Variants in ZNF202 observed in about 807,000 individuals in gnomAD.
The protein encoded by ZNF202 is zinc finger protein with KRAB and SCAN domains 10.
ZNF202 carries 22 observed loss-of-function variants against 54.5 expected under a neutral mutation model. The ratio of observed to expected loss-of-function variants is 0.40; its 90% CI spans 0.29 to 0.58. The LOEUF (loss-of-function observed/expected upper bound fraction) is 0.58. Ranked by LOEUF, ZNF202 falls within the 20% of genes least tolerant of loss-of-function variation. ZNF202 has a pLI of 0.39. For synonymous variants in ZNF202, 294 were observed against 301.4 expected, an observed-to-expected ratio of 0.98 and a Z score of 0.26; for missense variants, 644 against 805.5, an observed-to-expected ratio of 0.80 and a Z score of 2.43.
At position 123,726,813 on chromosome 11, in the gene ZNF202, CA is replaced by C; in HGVS notation, c.1130del (p.Val377GlyfsTer5). On this transcript the variant is annotated frameshift_variant, in exon 9 of 9. Coordinates refer to ENST00000530393, the MANE Select transcript of ZNF202 (RefSeq NM_003455.4). LOFTEE classifies it high-confidence loss of function. This position sits in a 1 kb window ranked among gnomAD's most constrained non-coding sequence, Gnocchi z 6.0. ...TTTCCCGAAGGTTCACAAAACTATTCACTTGAGAAATATTAGTACCAAATCT... is the reference window on the plus strand; with the variant it reads ...TTTCCCGAAGGTTCACAAAACTATTCCTTGAGAAATATTAGTACCAAATCT... ...ERRFGTNISQVNSFVNLRETT... is the reference protein window; with the variant it reads ...ERRFGTNISQXNSFVNLRETT... 1 of 1,614,196 alleles carries C rather than the reference CA, an allele frequency of 6.2e-7. No homozygotes were observed. The highest frequency in any genetic ancestry group is 8.5e-7 in the Non-Finnish European group (1 of 1,180,028).
intron 3 of ZNF202, among the ~76,000 whole-genome samples, chr11:123,734,551 C>T (rs960867194): frequency 6.6e-6 from 1 of 152,226 alleles, no homozygotes; most frequent in African/African-American, 2.4e-5. Context: ...AAGATGCCTT[C>T]CCTGGTCCTC....
chr11:123,729,341 A>C (rs1861298761), intron 5 of ZNF202, 127 bp from the exon 6 acceptor site: 3 of 999,186 alleles, frequency 3.0e-6, no homozygotes, highest in Non-Finnish European at 4.5e-6. Flanking sequence ...GAACCAAGAA[A>C]CTGGCCTAAG....
At position 123,725,671 on chromosome 11, in the gene ZNF202, A is replaced by C; in HGVS notation, c.*326T>G. ...CAGTCTTTAGGATATGTAACAGCCT[A>C]TTTTTTGGACGATATAGGAACCACG... On this transcript the variant is annotated 3_prime_UTR_variant, in exon 9 of 9. Transcript: ENST00000530393. 1 of 245,154 alleles carries C rather than the reference A, an allele frequency of 4.1e-6. No homozygotes were observed. Among genetic ancestry groups the C allele is most frequent in the Non-Finnish European group, 7.9e-6 (1 of 125,840 alleles). 15.2% of individuals were successfully genotyped at this position (245,154 alleles called of 1,614,324 possible).
In ZNF202 at chr11:123,726,771, G is replaced by T; in HGVS notation, c.1173C>A (p.Pro391=). ...VNLRETTPVH[P]LLGRHHDCSV... The stretch of plus-strand genomic sequence containing the variant: ...AACAGTCATGATGCCTCCCTAACAG[G>T]GGGTGGACGGGTGTAGTTTCCCGAA... The change falls in exon 9 of 9, where the codon CCC becomes CCA. Residue 391 remains proline (P), a synonymous_variant. Coordinates refer to ENST00000530393, the MANE Select transcript of ZNF202 (RefSeq NM_003455.4). This position sits in a 1 kb window ranked among gnomAD's most constrained non-coding sequence, Gnocchi z 6.0. The T allele has an allele frequency of 6.2e-7, 1 of 1,614,184 alleles. No homozygotes were observed. The highest frequency in any genetic ancestry group is 8.5e-7 in the Non-Finnish European group (1 of 1,180,036).
intron 3 of ZNF202, among the ~76,000 whole-genome samples, chr11:123,738,364 G>A (rs1244910969): frequency 6.6e-6 from 1 of 152,192 alleles, no homozygotes; most frequent in Admixed American, 6.5e-5. Flanking sequence ...TCATGGTCAT[G>A]TTGGTTAACC....
rs1353630884 is a variant in ZNF202 at position 123,725,257 on chromosome 11, A to G, written c.*740T>C. The G allele has an allele frequency of 6.6e-6, 1 of 152,248 alleles. No homozygotes were observed. The highest frequency in any genetic ancestry group is 1.5e-5 in the Non-Finnish European group (1 of 68,048). The allele number at this position is 152,248 out of a possible 1,614,324, so 9.4% of individuals were successfully genotyped here. A position where few individuals can be genotyped will look rare whatever the true frequency, so the allele number is the denominator to read the frequency against. ...TGCATGAGTATTTTAATAGAAAAAA[A>G]TATTAAAAACAAAACCAAAACTCGT... On this transcript the variant is annotated 3_prime_UTR_variant, in exon 9 of 9. Coordinates refer to ENST00000530393, the MANE Select transcript of ZNF202 (RefSeq NM_003455.4).
intron 3 of ZNF202, among the ~76,000 whole-genome samples, chr11:123,737,464 TC>T (rs1385146690): frequency 6.6e-6 from 1 of 151,944 alleles, no homozygotes; most frequent in Non-Finnish European, 1.5e-5. Context: ...TACAAGAGGT[TC>T]CAAAGAAAGA....
chr11:123,734,675 GCT>G (rs1367486111), intron 3 of ZNF202, among the ~76,000 whole-genome samples: 2 of 152,192 alleles, frequency 1.3e-5, no homozygotes, highest in African/African-American at 4.8e-5. Flanking sequence ...GGACTGTAAA[GCT>G]CTGAGGGCAG....
rs1861297211 is a variant in ZNF202 at position 123,729,301 on chromosome 11, A to G, written c.614-87T>C. 3.7e-6 allele frequency: 5 copies of G among 1,346,046 alleles called. No individual in the cohort carries two copies. The Admixed American group carries it at 5.8e-5, about 16-fold the overall frequency. 83.4% of individuals were successfully genotyped at this position (1,346,046 alleles called of 1,614,324 possible). A position where few individuals can be genotyped will look rare whatever the true frequency, so the allele number is the denominator to read the frequency against. On this transcript the variant is annotated intron_variant, in intron 5 of 8. Coordinates refer to ENST00000530393, the MANE Select transcript of ZNF202 (RefSeq NM_003455.4). ...CTGGGCATCCCCCACCATCTTTGGT[A>G]GGAAGGTGGCCCTATCCTTTCTATT...
At chr11:123,727,653 G>A (rs1016522321) in intron 7 of ZNF202, 58 bp from the exon 8 acceptor site, 6 of 1,603,952 alleles carry the variant, frequency 3.7e-6, no homozygotes, top group Non-Finnish European at 5.1e-6. Flanking sequence ...CCTGTGTTAA[G>A]AGCGGTCCTT....
chr11:123,730,912 C>T lies in ZNF202; in HGVS notation c.-24G>A. Reference sequence around the variant, plus strand: ...ATTTCTTGGCTTTGGGGTGGTCTCACACCATCTAGAGCTCACACTGTCATT... The same window carrying T: ...ATTTCTTGGCTTTGGGGTGGTCTCATACCATCTAGAGCTCACACTGTCATT... On this transcript the variant is annotated 5_prime_UTR_variant, in exon 4 of 9. In the 5' UTR this introduces an upstream ATG that the reference lacks. Transcript: ENST00000530393. The surrounding 1 kb of genome is among the most constrained non-coding windows in gnomAD (Gnocchi z 6.0). 6.3e-7 allele frequency: 1 copy of T among 1,599,966 alleles called. No individual in the cohort carries two copies. The highest frequency in any genetic ancestry group is 8.5e-7 in the Non-Finnish European group (1 of 1,172,336).
chr11:123,727,396 G>A, intron 8 of ZNF202, 80 bp downstream of exon 8: 2 of 1,584,988 alleles, frequency 1.3e-6, no homozygotes, highest in Non-Finnish European at 8.6e-7. Flanking sequence ...GATGAGAGCG[G>A]GGCCCTACAG....
chr11:123,729,303 GA>G, intron 5 of ZNF202, 89 bp from the exon 6 acceptor site: 2 of 1,332,300 alleles, frequency 1.5e-6, no homozygotes, highest in Non-Finnish European at 2.1e-6. Context: ...TCTTTGGTAG[GA>G]AGGTGGCCCT....
rs1386123405 is a variant in ZNF202 at position 123,726,147 on chromosome 11, C to T, written c.1797G>A (p.Gly599=). Residue 599 remains glycine (G), a synonymous_variant, in exon 9 of 9, where the codon GGG becomes GGA. Coordinates refer to ENST00000530393, the MANE Select transcript of ZNF202 (RefSeq NM_003455.4). The surrounding 1 kb of genome is among the most constrained non-coding windows in gnomAD (Gnocchi z 6.0). ...SVRPCRCNEC[G]KSFSRRDHLV... ...GGTGGTCCCTGCGACTGAAGCTCTTCCCACATTCGTTGCATCGGCAGGGCC... is the reference window on the plus strand; with the variant it reads ...GGTGGTCCCTGCGACTGAAGCTCTTTCCACATTCGTTGCATCGGCAGGGCC... The T allele has an allele frequency of 1.2e-6, 2 of 1,614,126 alleles. No individual in the cohort carries two copies. The highest frequency in any genetic ancestry group is 1.7e-6 in the Non-Finnish European group (2 of 1,180,056).
chr11:123,731,278 C>T (rs1245723390), intron 3 of ZNF202, among the ~76,000 whole-genome samples: 1 of 152,200 alleles, frequency 6.6e-6, no homozygotes, highest in Non-Finnish European at 1.5e-5. Flanking sequence ...AACCGGTTCC[C>T]TTCTCTTCCT....
chr11:123,727,663 T>C (rs574209170), intron 7 of ZNF202, 68 bp from the exon 8 acceptor site: 2 of 1,594,756 alleles, frequency 1.3e-6, no homozygotes, highest in African/African-American at 1.3e-5. Context: ...GAGCGGTCCT[T>C]TTCTATTTGG....
In ZNF202 at chr11:123,730,696, T is replaced by C. The variant is rs761225279; in HGVS notation, c.193A>G (p.Ile65Val). 1.9e-6 allele frequency: 3 copies of C among 1,614,262 alleles called. No individual in the cohort carries two copies. The highest frequency in any genetic ancestry group is 2.2e-5 in the South Asian group (2 of 91,086). ...TGGTGACAAAGTTCTCGGAGTCTGA[T>C]GAGAGCTTCTCTAGGGCTTGCTGCC... ...QEAASPREALIRLRELCHQWL... is the reference protein window; with the variant it reads ...QEAASPREALVRLRELCHQWL... Residue 65 changes from isoleucine (I) to valine (V), a missense_variant, in exon 4 of 9, where the codon ATC becomes GTC. This residue lies in a region of ZNF202 where 62 missense variants were observed against 122.8 expected (regional missense o/e 0.50). Coordinates refer to ENST00000530393, the MANE Select transcript of ZNF202 (RefSeq NM_003455.4). The surrounding 1 kb of genome is among the most constrained non-coding windows in gnomAD (Gnocchi z 6.0).
At chr11:123,734,723 C>T (rs1861559336) in intron 3 of ZNF202, among the ~76,000 whole-genome samples, 1 of 152,072 alleles carries the variant, frequency 6.6e-6, no homozygotes, top group Admixed American at 6.5e-5. Context: ...CTGGCACACA[C>T]CAGGCACTCA....
intron 3 of ZNF202, among the ~76,000 whole-genome samples, chr11:123,731,813 T>C (rs977751346): frequency 2.0e-5 from 3 of 152,236 alleles, no homozygotes; most frequent in South Asian, 2.1e-4. Context: ...TTCTAAATTA[T>C]AGTTCCAACT....
Sources: gnomAD v4.1 joint callset for allele counts (sites outside exome capture counted in the v4.1 genomes callset) on GRCh38, gnomAD v4.1.1 for gene constraint, gnomAD v4.1.1 regional missense constraint, Gnocchi (gnomAD v3.1) non-coding constraint, MANE v1.5 for transcripts, NCBI Gene and HGNC (gene_info 2026-07-23, HGNC 2026-07-21) for gene names.